The following GREB1L variants were observed in gnomAD, a reference collection of about 807,000 sequenced individuals.
The protein encoded by GREB1L is GREB1 like retinoic acid receptor coactivator.
A neutral mutation model predicts 200.8 loss-of-function variants in GREB1L; 17 were observed. The observed-to-expected ratio is 0.08, with a 90% CI of 0.06 to 0.13. GREB1L has a LOEUF of 0.13. Ranked by LOEUF, GREB1L falls within the 10% of genes least tolerant of loss-of-function variation. GREB1L has a pLI of 1.00. For synonymous variants in GREB1L, 789 were observed against 893.0 expected, an observed-to-expected ratio of 0.88 and a Z score of 2.08; for missense variants, 1,657 against 2,367.7, an observed-to-expected ratio of 0.70 and a Z score of 6.23.
intron 2 of GREB1L, among the ~76,000 whole-genome samples, chr18:21,367,442 G>C (rs1311794412): frequency 2.6e-5 from 4 of 152,098 alleles, no homozygotes; most frequent in Non-Finnish European, 5.9e-5. Flanking sequence ...TCTTTCCTTG[G>C]AGCAGAAAGC....
At chr18:21,369,580 A>G (rs1377761410) in intron 2 of GREB1L, among the ~76,000 whole-genome samples, 2 of 152,204 alleles carry the variant, frequency 1.3e-5, no homozygotes, top group African/African-American at 2.4e-5. Context: ...ATTATTATGA[A>G]ATTAGTTAGC....
At chr18:21,444,686 T>A (rs1171168492) in intron 11 of GREB1L, among the ~76,000 whole-genome samples, 1 of 152,204 alleles carries the variant, frequency 6.6e-6, no homozygotes, top group Non-Finnish European at 1.5e-5. Flanking sequence ...CCAAAGTAGT[T>A]AAGGTAGGCA....
At chr18:21,311,224 C>G (rs1449754326) in intron 1 of GREB1L, among the ~76,000 whole-genome samples, 1 of 152,192 alleles carries the variant, frequency 6.6e-6, no homozygotes, top group Non-Finnish European at 1.5e-5. Context: ...TTTGACTTCT[C>G]TCACAAGAGT....
chr18:21,495,647 A>G, intron 19 of GREB1L, 23 bp from the exon 20 acceptor site: 1 of 1,242,376 alleles, frequency 8.0e-7, no homozygotes, highest in Non-Finnish European at 1.1e-6. Context: ...TTTTAATTTT[A>G]ACATACGGGT....
At chr18:21,476,085 C>A (rs1177902956) in intron 16 of GREB1L, among the ~76,000 whole-genome samples, 4 of 145,128 alleles carry the variant, frequency 2.8e-5, no homozygotes, top group African/African-American at 5.2e-5. Context: ...GATCAAAAAG[C>A]AAATCAGCAG....
chr18:21,436,117 A>G (rs1417525495), intron 7 of GREB1L, among the ~76,000 whole-genome samples: 2 of 152,172 alleles, frequency 1.3e-5, no homozygotes, highest in African/African-American at 4.8e-5. Flanking sequence ...AGGGATACAG[A>G]AGGAGGATCA....
intron 1 of GREB1L, among the ~76,000 whole-genome samples, chr18:21,264,703 C>T (rs927249967): frequency 6.7e-5 from 10 of 149,860 alleles, no homozygotes; most frequent in South Asian, 2.2e-4. Context: ...CCCCGCCCCA[C>T]GCCCCCCAAC....
intron 1 of GREB1L, among the ~76,000 whole-genome samples, chr18:21,327,890 A>G (rs1311984562): frequency 2.0e-5 from 3 of 151,354 alleles, no homozygotes; most frequent in Non-Finnish European, 4.4e-5. Context: ...TTTTTTTTGT[A>G]TTTTTAATAG....
At position 21,347,933 on chromosome 18, in the gene GREB1L, A is replaced by AT. The variant is rs1171946736; in HGVS notation, c.-119-18065dup. Among the ~76,000 whole-genome samples, 240 of 77,354 alleles carry AT rather than the reference A, an allele frequency of 3.1e-3. 52 individuals are homozygous for AT. Among genetic ancestry groups the AT allele is most frequent in the Non-Finnish European group, 4.3e-3 (188 of 43,326 alleles). The allele number at this position is 77,354 out of a possible 152,430, so 50.7% of individuals were successfully genotyped here. Reference sequence around the variant, plus strand: ...AAGCACGTGCCACCACACTCGGCTAATTTTTTTTTTTTTTTTTTTTTTTTT... The same window carrying AT: ...AAGCACGTGCCACCACACTCGGCTAATTTTTTTTTTTTTTTTTTTTTTTTTT... On this transcript the variant is annotated intron_variant, in intron 1 of 32. Transcript: ENST00000424526.
intron 2 of GREB1L, among the ~76,000 whole-genome samples, chr18:21,376,607 A>G (rs1293089040): frequency 6.6e-6 from 1 of 151,406 alleles, no homozygotes; most frequent in African/African-American, 2.4e-5. Context: ...GATGGAGACC[A>G]TCCTGGCTAA....
chr18:21,291,792 G>A (rs1336201437), intron 1 of GREB1L, among the ~76,000 whole-genome samples: 2 of 152,156 alleles, frequency 1.3e-5, no homozygotes, highest in African/African-American at 2.4e-5. Context: ...TGGCTCACGC[G>A]TGGAACCATG....
chr18:21,295,361 T>C (rs1180694717), intron 1 of GREB1L, among the ~76,000 whole-genome samples: 1 of 152,156 alleles, frequency 6.6e-6, no homozygotes, highest in Non-Finnish European at 1.5e-5. Context: ...TTTTTCTTTT[T>C]ACTCTTCCTA....
At chr18:21,286,127 C>T (rs925494223) in intron 1 of GREB1L, among the ~76,000 whole-genome samples, 1 of 152,182 alleles carries the variant, frequency 6.6e-6, no homozygotes, top group Non-Finnish European at 1.5e-5. Flanking sequence ...TTAGATTAAA[C>T]AGGCATAAAG....
intron 1 of GREB1L, among the ~76,000 whole-genome samples, chr18:21,278,389 A>AATAAAT (rs2038208305): frequency 8.0e-6 from 1 of 125,610 alleles, no homozygotes; most frequent in African/African-American, 3.2e-5. Flanking sequence ...TCAAAAAAAA[A>AATAAAT]AAATAAATAA....
At chr18:21,370,254 C>T (rs1266927981) in intron 2 of GREB1L, among the ~76,000 whole-genome samples, 1 of 151,896 alleles carries the variant, frequency 6.6e-6, no homozygotes, top group African/African-American at 2.4e-5. Context: ...CAGCTTTAAA[C>T]AAATTATATG....
chr18:21,477,498 A>G (rs1381027495), intron 17 of GREB1L, 142 bp downstream of exon 17: 24 of 673,148 alleles, frequency 3.6e-5, no homozygotes, highest in African/African-American at 3.7e-5. Flanking sequence ...TAAGAGTTCA[A>G]AAATCTGGCT....
chr18:21,317,535 A>C (rs1297416766), intron 1 of GREB1L: 1 of 151,804 alleles, frequency 6.6e-6, no homozygotes, highest in African/African-American at 2.4e-5. Context: ...CCCAGGAGGC[A>C]GAGGTTGTAG....
At chr18:21,438,463 G>A (rs1017519619) in intron 7 of GREB1L, among the ~76,000 whole-genome samples, 4 of 151,862 alleles carry the variant, frequency 2.6e-5, no homozygotes, top group Admixed American at 2.6e-4. Context: ...CCAGGAGTTC[G>A]AGACCAGTCT....
rs573134350 is a variant in GREB1L, at chr18:21,424,824, C to A, written c.833-14697C>A. ...ATTAATAGTCATTCCCTGTTTCATC[C>A]CTTTCCTCAGCCCCTGGCAACCACA... On this transcript the variant is annotated intron_variant, in intron 7 of 32. Transcript: ENST00000424526. Among the ~76,000 whole-genome samples, 66 of 152,264 alleles carry A rather than the reference C, an allele frequency of 4.3e-4. 1 individual carries two copies. In the South Asian group the frequency reaches 0.011, roughly 25 times the overall value.
Sources: allele counts gnomAD v4.1 joint callset (sites outside exome capture counted in the v4.1 genomes callset), GRCh38; gene constraint gnomAD v4.1.1; transcripts MANE v1.5; gene names NCBI Gene and HGNC (gene_info 2026-07-23, HGNC 2026-07-21).